MAGI2: variants seen among roughly 807,000 people sequenced by gnomAD.
MAGI2 encodes membrane associated guanylate kinase, WW and PDZ domain containing 2, also known as membrane-associated guanylate kinase, WW and PDZ domain-containing protein 2.
Under a neutral mutation model 133.3 loss-of-function variants are expected in MAGI2, and 35 were observed. That is an observed-to-expected ratio of 0.26 (90% CI 0.20 to 0.35). The LOEUF (loss-of-function observed/expected upper bound fraction) is 0.35, where lower values mean the gene tolerates loss of function less well. Ranked by LOEUF, MAGI2 falls within the 10% of genes least tolerant of loss-of-function variation. The pLI is 1.00. For missense variants in MAGI2, 1,636 were observed against 1,863.4 expected, an observed-to-expected ratio of 0.88 and a Z score of 2.25; for synonymous variants, 729 against 710.6, an observed-to-expected ratio of 1.03 and a Z score of -0.41.
chr7:78,991,425 T>C (rs1003763811), intron 2 of MAGI2, among the ~76,000 whole-genome samples: 2 of 151,832 alleles, frequency 1.3e-5, no homozygotes, highest in African/African-American at 4.8e-5. Flanking sequence ...TATATAAACA[T>C]ATATACTAAA....
intron 6 of MAGI2, among the ~76,000 whole-genome samples, chr7:78,397,539 T>C (rs1273684500): frequency 6.6e-6 from 1 of 151,994 alleles, no homozygotes; most frequent in Non-Finnish European, 1.5e-5. Context: ...AAAACAGCCA[T>C]GAAAATTGAA....
intron 1 of MAGI2, among the ~76,000 whole-genome samples, chr7:79,344,354 T>A (rs1044182814): frequency 6.6e-6 from 1 of 152,108 alleles, no homozygotes; most frequent in Non-Finnish European, 1.5e-5. Flanking sequence ...TAAACATGTT[T>A]TAGAAATCTA....
intron 20 of MAGI2, among the ~76,000 whole-genome samples, chr7:78,090,845 T>A (rs73362682): frequency 6.6e-6 from 1 of 152,186 alleles, no homozygotes; most frequent in African/African-American, 2.4e-5. Flanking sequence ...TAACCATGCC[T>A]TTGTTGGCAT....
chr7:79,327,201 G>A (rs1839759017), intron 1 of MAGI2, among the ~76,000 whole-genome samples: 1 of 152,080 alleles, frequency 6.6e-6, no homozygotes, highest in Non-Finnish European at 1.5e-5. Flanking sequence ...TCAAAAGATA[G>A]TAATGACGAT....
intron 20 of MAGI2, among the ~76,000 whole-genome samples, chr7:78,108,528 T>C (rs970486900): frequency 1.3e-5 from 2 of 152,248 alleles, no homozygotes; most frequent in Non-Finnish European, 2.9e-5. Context: ...TGTTTCTTTT[T>C]TGATTTTCTG....
At chr7:78,021,297 T>C (rs1808372161) in intron 21 of MAGI2, among the ~76,000 whole-genome samples, 1 of 152,208 alleles carries the variant, frequency 6.6e-6, no homozygotes, top group African/African-American at 2.4e-5. Context: ...ACAGAATTGG[T>C]ATATGGTCAT....
chr7:78,029,693 G>A (rs1188291702), intron 21 of MAGI2, among the ~76,000 whole-genome samples: 2 of 147,030 alleles, frequency 1.4e-5, no homozygotes, highest in East Asian at 2.5e-4. Context: ...AAACCATTGC[G>A]TGTTGAAAAC....
At chr7:79,197,078 G>C (rs935936233) in intron 1 of MAGI2, among the ~76,000 whole-genome samples, 3 of 151,788 alleles carry the variant, frequency 2.0e-5, no homozygotes, top group Non-Finnish European at 2.9e-5. Flanking sequence ...ACTGCACCTG[G>C]CCCAGAAGTT....
At chr7:79,312,930 A>G (rs1179383339) in intron 1 of MAGI2, among the ~76,000 whole-genome samples, 1 of 152,182 alleles carries the variant, frequency 6.6e-6, no homozygotes, top group Admixed American at 6.5e-5. Context: ...TTTAGCTTGT[A>G]TGCAACACTA....
At chr7:78,687,285 C>A (rs1489738655) in intron 2 of MAGI2, among the ~76,000 whole-genome samples, 1 of 152,158 alleles carries the variant, frequency 6.6e-6, no homozygotes, top group Non-Finnish European at 1.5e-5. Context: ...ACTCACCCCT[C>A]CTTTATTTCA....
chr7:79,161,798 C>T (rs760939663), intron 1 of MAGI2, among the ~76,000 whole-genome samples: 7 of 151,972 alleles, frequency 4.6e-5, no homozygotes, highest in East Asian at 1.9e-4. Flanking sequence ...AAATTCAGAT[C>T]GCAATTTTAT....
chr7:78,918,252 T>G (rs1798951561), intron 2 of MAGI2, among the ~76,000 whole-genome samples: 1 of 152,164 alleles, frequency 6.6e-6, no homozygotes, highest in Non-Finnish European at 1.5e-5. Context: ...TTTCTTACTA[T>G]GCCACAGCCA....
intron 2 of MAGI2, among the ~76,000 whole-genome samples, chr7:78,643,419 G>A (rs1459162395): frequency 6.6e-6 from 1 of 152,086 alleles, no homozygotes; most frequent in Non-Finnish European, 1.5e-5. Context: ...ATTAGGTAAG[G>A]CTCTAGTTTG....
At position 79,046,118 on chromosome 7, in the gene MAGI2, A is replaced by G. The variant is rs565063708; in HGVS notation, c.302-38912T>C. ...AAAACAATTTCAAAGATAGCTTAAT[A>G]TGTTTGATTTGTTATGGAGTAGGGT... On this transcript the variant is annotated intron_variant, in intron 1 of 21. Coordinates refer to ENST00000354212, the MANE Select transcript of MAGI2 (RefSeq NM_012301.4). Among the ~76,000 whole-genome samples the G allele has an allele frequency of 3.9e-5, 6 of 152,262 alleles. No homozygotes were observed. The South Asian group carries it at 1.2e-3, about 32-fold the overall frequency.
At chr7:79,039,834 T>C (rs1037253765) in intron 1 of MAGI2, among the ~76,000 whole-genome samples, 4 of 146,416 alleles carry the variant, frequency 2.7e-5, no homozygotes, top group African/African-American at 9.9e-5. Context: ...TTTCATTGTA[T>C]ATATTATATA....
At chr7:78,499,395 A>G (rs1014068908) in intron 5 of MAGI2, among the ~76,000 whole-genome samples, 4 of 152,204 alleles carry the variant, frequency 2.6e-5, no homozygotes, top group African/African-American at 9.6e-5. Flanking sequence ...CCAAGTGTTT[A>G]TAACTATTTG....
chr7:78,053,207 A>T (rs11764221), intron 21 of MAGI2, among the ~76,000 whole-genome samples: 11 of 152,174 alleles, frequency 7.2e-5, no homozygotes, highest in Non-Finnish European at 1.5e-4. Context: ...AACTAACGCT[A>T]CTTGCAGAAT....
intron 2 of MAGI2, among the ~76,000 whole-genome samples, chr7:78,834,976 AGCACCAT>A (rs1450145680): frequency 6.6e-6 from 1 of 152,196 alleles, no homozygotes; most frequent in Non-Finnish European, 1.5e-5. Flanking sequence ...AGCAGATGCC[AGCACCAT>A]GCTTGTACAG....
chr7:78,398,843 C>G (rs1458868025), intron 6 of MAGI2, among the ~76,000 whole-genome samples: 3 of 152,132 alleles, frequency 2.0e-5, no homozygotes, highest in Non-Finnish European at 4.4e-5. Context: ...CTTTTTGTTT[C>G]AGGGCACTTG....
Sources: gnomAD v4.1 joint callset for allele counts (sites outside exome capture counted in the v4.1 genomes callset) on GRCh38, gnomAD v4.1.1 for gene constraint, MANE v1.5 for transcripts, NCBI Gene and HGNC (gene_info 2026-07-23, HGNC 2026-07-21) for gene names.